Variants in CACNA2D3 observed in about 807,000 individuals in gnomAD.
CACNA2D3 encodes voltage-dependent calcium channel subunit alpha-2/delta-3.
In CACNA2D3, 60 loss-of-function variants were observed where a neutral mutation model predicts 160.6. The observed-to-expected ratio is 0.37, with a 90% CI of 0.30 to 0.46. The LOEUF is 0.46. Among genes scored for constraint, CACNA2D3 ranks in the 20% least tolerant of loss-of-function variants. The probability of loss-of-function intolerance (pLI) is 1.00; values close to 1 mark genes in which losing one functional copy is unlikely to be tolerated. For synonymous variants in CACNA2D3, 558 were observed against 492.9 expected, an observed-to-expected ratio of 1.13 and a Z score of -1.75; for missense variants, 1,205 against 1,365.0, an observed-to-expected ratio of 0.88 and a Z score of 1.85.
At chr3:54,949,150 G>T (rs979539395) in intron 27 of CACNA2D3, among the ~76,000 whole-genome samples, 5 of 152,212 alleles carry the variant, frequency 3.3e-5, no homozygotes, top group Admixed American at 6.5e-5. Context: ...AAAAGTTTCA[G>T]TTCAATGTCC....
intron 4 of CACNA2D3, among the ~76,000 whole-genome samples, chr3:54,477,864 AC>A (rs1700857357): frequency 6.6e-6 from 1 of 152,130 alleles, no homozygotes; most frequent in Non-Finnish European, 1.5e-5. Flanking sequence ...ACCCTCTTGT[AC>A]TTGATCATTT....
At chr3:54,376,838 C>A (rs1008128967) in intron 3 of CACNA2D3, among the ~76,000 whole-genome samples, 5 of 152,024 alleles carry the variant, frequency 3.3e-5, no homozygotes, top group Non-Finnish European at 7.4e-5. Context: ...TGGACCAACA[C>A]GATATATTCC....
chr3:54,530,772 C>A (rs868363654), intron 5 of CACNA2D3, among the ~76,000 whole-genome samples: 1 of 152,136 alleles, frequency 6.6e-6, no homozygotes. Context: ...TTCGTATGCT[C>A]AACCATATGC....
chr3:54,465,342 C>A (rs555749172), intron 4 of CACNA2D3, among the ~76,000 whole-genome samples: 6 of 152,244 alleles, frequency 3.9e-5, no homozygotes, highest in African/African-American at 7.2e-5. Flanking sequence ...AGAGAGCTAG[C>A]AAACAAGCAC....
intron 4 of CACNA2D3, among the ~76,000 whole-genome samples, chr3:54,403,195 A>C (rs957342267): frequency 2.6e-5 from 4 of 152,122 alleles, no homozygotes; most frequent in Non-Finnish European, 5.9e-5. Context: ...CTCTGCAAAA[A>C]ATAAAAAAAA....
chr3:54,981,484 C>T (rs1702506526), intron 29 of CACNA2D3, among the ~76,000 whole-genome samples: 1 of 151,634 alleles, frequency 6.6e-6, no homozygotes, highest in African/African-American at 2.4e-5. Flanking sequence ...ATTCATTCAA[C>T]CCATTGGGAG....
chr3:54,227,260 A>T (rs1460960589), intron 2 of CACNA2D3, among the ~76,000 whole-genome samples: 1 of 152,062 alleles, frequency 6.6e-6, no homozygotes, highest in African/African-American at 2.4e-5. Context: ...TGGCACCGGG[A>T]GAAATGTCCA....
chr3:54,637,465 T>G (rs1291562997), intron 10 of CACNA2D3, among the ~76,000 whole-genome samples: 3 of 151,856 alleles, frequency 2.0e-5, no homozygotes, highest in Non-Finnish European at 4.4e-5. Context: ...CTCAGCCTAA[T>G]AAGGGAACTG....
chr3:54,850,639 G>A (rs1699038178), intron 17 of CACNA2D3, among the ~76,000 whole-genome samples: 1 of 152,306 alleles, frequency 6.6e-6, no homozygotes, highest in African/African-American at 2.4e-5. Context: ...GAGGAGGTCT[G>A]GAATGTGGAC....
chr3:54,314,592 TG>T lies in CACNA2D3; in HGVS notation c.205-5848del, dbSNP rs572322921. ...TATTATTTTTTGATTTTTTTGATTA[TG>T]GCCATTCTTGCAGGAGTAAGGTGGT... On this transcript the variant is annotated intron_variant, in intron 2 of 37. Coordinates refer to ENST00000474759, the MANE Select transcript of CACNA2D3 (RefSeq NM_018398.3). Among the ~76,000 whole-genome samples the T allele has an allele frequency of 5.2e-3, 797 of 152,354 alleles. 6 individuals carry two copies. The highest frequency in any genetic ancestry group is 0.018 in the African/African-American group (767 of 41,586).
chr3:54,203,841 G>T (rs1701219816), intron 2 of CACNA2D3, among the ~76,000 whole-genome samples: 1 of 151,974 alleles, frequency 6.6e-6, no homozygotes. Flanking sequence ...CTGCGTGTCT[G>T]CTTGCTAGGG....
At chr3:54,343,298 A>AT (rs986421794) in intron 3 of CACNA2D3, among the ~76,000 whole-genome samples, 2 of 150,854 alleles carry the variant, frequency 1.3e-5, no homozygotes, top group Admixed American at 6.6e-5. Flanking sequence ...TTCTTTTTTA[A>AT]TTTTTTTTTA....
intron 27 of CACNA2D3, among the ~76,000 whole-genome samples, chr3:54,954,075 G>A (rs371845849): frequency 6.6e-6 from 1 of 152,320 alleles, no homozygotes; most frequent in East Asian, 1.9e-4. Flanking sequence ...CATGAATTCA[G>A]TGTCTCTCTG....
chr3:54,539,973 A>C (rs1253752359), intron 5 of CACNA2D3, among the ~76,000 whole-genome samples: 1 of 152,132 alleles, frequency 6.6e-6, no homozygotes, highest in Non-Finnish European at 1.5e-5. Flanking sequence ...TGAGCCTGGA[A>C]AGTCTGTGGG....
At chr3:54,359,237 A>G (rs533518985) in intron 3 of CACNA2D3, among the ~76,000 whole-genome samples, 188 of 152,330 alleles carry the variant, frequency 1.2e-3, no homozygotes, top group African/African-American at 4.4e-3. Context: ...TCAAGTAGGA[A>G]TAAATTAAAC....
At chr3:54,807,738 A>G (rs560334624) in intron 13 of CACNA2D3, among the ~76,000 whole-genome samples, 12 of 152,152 alleles carry the variant, frequency 7.9e-5, no homozygotes, top group African/African-American at 2.4e-4. Context: ...TCATGCTGCT[A>G]TAAAGACACA....
intron 4 of CACNA2D3, among the ~76,000 whole-genome samples, chr3:54,400,183 G>T (rs901009652): frequency 1.2e-4 from 18 of 146,732 alleles, no homozygotes; most frequent in South Asian, 7.0e-4. Flanking sequence ...ACACACACTG[G>T]CCTGCGCCCA....
intron 2 of CACNA2D3, among the ~76,000 whole-genome samples, chr3:54,192,116 T>C (rs1700995273): frequency 6.6e-6 from 1 of 152,052 alleles, no homozygotes; most frequent in African/African-American, 2.4e-5. Context: ...TTTTTTTTTT[T>C]TTTTCTTTTT....
At chr3:54,931,258 A>AT (rs1194097287) in intron 27 of CACNA2D3, among the ~76,000 whole-genome samples, 2 of 152,108 alleles carry the variant, frequency 1.3e-5, no homozygotes, top group Non-Finnish European at 2.9e-5. Context: ...TTACTGCCCA[A>AT]GGGGTTTTTT....
Sources: allele counts gnomAD v4.1 joint callset (sites outside exome capture counted in the v4.1 genomes callset), GRCh38; gene constraint gnomAD v4.1.1; transcripts MANE v1.5; gene names NCBI Gene and HGNC (gene_info 2026-07-23, HGNC 2026-07-21).